Variants in CSMD2 observed in about 807,000 individuals in gnomAD.
CSMD2 encodes the protein CUB and sushi domain-containing protein 2.
A neutral mutation model predicts 398.5 loss-of-function variants in CSMD2; 130 were observed. The ratio of observed to expected loss-of-function variants is 0.33; its 90% CI spans 0.28 to 0.38. The LOEUF is 0.38. CSMD2 is among the 10% of genes least tolerant of loss of function. CSMD2 has a pLI of 1.00. For synonymous variants in CSMD2, 1,828 were observed against 1,908.5 expected (o/e 0.96, Z 1.10); for missense variants, 3,829 against 4,764.9 (o/e 0.80, Z 5.78).
At chr1:33,803,452 C>T (rs1655850585) in intron 10 of CSMD2, among the ~76,000 whole-genome samples, 1 of 152,178 alleles carries the variant, frequency 6.6e-6, no homozygotes, top group Non-Finnish European at 1.5e-5. Flanking sequence ...AAGCATGTTC[C>T]TCCATCTGTA....
chr1:33,538,344 G>T (rs571197882), intron 60 of CSMD2, among the ~76,000 whole-genome samples: 36 of 152,224 alleles, frequency 2.4e-4, no homozygotes, highest in African/African-American at 8.7e-4. Flanking sequence ...GTAGTGCATG[G>T]GTGTACCCAT....
chr1:33,849,241 G>T (rs564553036), intron 5 of CSMD2, among the ~76,000 whole-genome samples: 2 of 152,314 alleles, frequency 1.3e-5, no homozygotes, highest in South Asian at 2.1e-4. Context: ...ATCTATCAAA[G>T]AATTGGGGGC....
intron 1 of CSMD2, among the ~76,000 whole-genome samples, chr1:34,092,811 G>A (rs1658780784): frequency 6.6e-6 from 1 of 152,248 alleles, no homozygotes; most frequent in Non-Finnish European, 1.5e-5. Context: ...CAAACTGCAA[G>A]GCAGCAGCGA....
chr1:34,015,992 A>G (rs969747535), intron 3 of CSMD2, among the ~76,000 whole-genome samples: 7 of 150,058 alleles, frequency 4.7e-5, no homozygotes, highest in Admixed American at 4.7e-4. Context: ...AAAGATGCCC[A>G]TTTACACTGG....
rs766209512 is a variant in CSMD2 at position 33,583,699 on chromosome 1, G to A, written c.7183C>T (p.Leu2395Phe). The A allele has an allele frequency of 1.9e-6, 3 of 1,614,196 alleles. No homozygotes were observed. The highest frequency in any genetic ancestry group is 2.2e-5 in the East Asian group (1 of 44,886). The change falls in exon 47 of 71, where the codon CTC (leucine) becomes TTC (phenylalanine). Residue 2395 changes from leucine to phenylalanine, a missense_variant. Physicochemically the swap from Leu to Phe is conservative, Grantham distance 22. Transcript: ENST00000373381. ...TCGCTGAGGAAGTACTCCACTGTGA[G>A]GGAGATGTTATAGTCGGGCTCCACT... ...VRVEPDYNIS[L>F]TVEYFLSEKQ... is the part of the protein sequence containing the mutation.
intron 12 of CSMD2, among the ~76,000 whole-genome samples, chr1:33,774,829 C>T (rs1191101425): frequency 6.6e-6 from 1 of 152,166 alleles, no homozygotes; most frequent in Non-Finnish European, 1.5e-5. Flanking sequence ...CACATGCCCA[C>T]ATCCACCCAC....
At position 33,518,028 on chromosome 1, in the gene CSMD2, G is replaced by A. The variant is rs902840837; in HGVS notation, c.*53+1437C>T. Among the ~76,000 whole-genome samples the A allele has an allele frequency of 6.6e-6, 1 of 152,266 alleles. No homozygotes were observed. The highest frequency in any genetic ancestry group is 2.4e-5 in the African/African-American group (1 of 41,464). On this transcript the variant is annotated intron_variant, in intron 70 of 70. Transcript: ENST00000373381. The surrounding 1 kb of genome is among the most constrained non-coding windows in gnomAD (Gnocchi z 4.3). ...CACGTGAGCGGCCATGCACAGGAGC[G>A]TGGGGAGGGAGCGCAACACTAGCCC...
At chr1:33,980,789 G>A (rs1226787780) in intron 3 of CSMD2, among the ~76,000 whole-genome samples, 1 of 152,162 alleles carries the variant, frequency 6.6e-6, no homozygotes. Flanking sequence ...TGTTCTCACT[G>A]AAGATGATGA....
intron 1 of CSMD2, among the ~76,000 whole-genome samples, chr1:34,118,497 C>G (rs1008107784): frequency 4.6e-5 from 7 of 152,036 alleles, no homozygotes; most frequent in Non-Finnish European, 7.4e-5. Flanking sequence ...TGTGGAAAAC[C>G]CTAAGGATTC....
chr1:33,569,581 C>T, intron 51 of CSMD2, 34 bp from the exon 52 acceptor site: 1 of 1,601,364 alleles, frequency 6.2e-7, no homozygotes, highest in Non-Finnish European at 8.5e-7. Flanking sequence ...GTAAGCCAGC[C>T]CCAAGAGGAG....
rs12075879 is a variant in CSMD2, at chr1:34,124,647, A to G, written c.188-35454T>C. Among the ~76,000 whole-genome samples, 274 of 152,320 alleles carry G rather than the reference A, an allele frequency of 1.8e-3. 1 individual carries two copies. Among genetic ancestry groups the G allele is most frequent in the African/African-American group, 6.2e-3 (258 of 41,574 alleles). ...AACAAGAAGGGGTCTGTGCTCCCCC[A>G]GTGGATCAATGCGAGGTTGGCATCC... On this transcript the variant is annotated intron_variant, in intron 1 of 70. Coordinates refer to ENST00000373381, the MANE Select transcript of CSMD2 (RefSeq NM_001281956.2).
intron 3 of CSMD2, among the ~76,000 whole-genome samples, chr1:34,029,136 A>G (rs890912954): frequency 4.6e-5 from 7 of 152,082 alleles, no homozygotes; most frequent in Admixed American, 1.3e-4. Flanking sequence ...ATATAAGGAA[A>G]CCATCCTGAC....
chr1:34,021,108 G>GAAT, intron 3 of CSMD2, among the ~76,000 whole-genome samples: 1 of 152,204 alleles, frequency 6.6e-6, no homozygotes, highest in Non-Finnish European at 1.5e-5. Flanking sequence ...AAGGTAGAAA[G>GAAT]AATAATCCAA....
intron 13 of CSMD2, among the ~76,000 whole-genome samples, chr1:33,752,606 G>A (rs1314785400): frequency 6.6e-6 from 1 of 152,194 alleles, no homozygotes; most frequent in Non-Finnish European, 1.5e-5. Flanking sequence ...GGTACCAGGG[G>A]TGTGGGATGT....
chr1:33,857,171 T>A (rs1056598687), intron 5 of CSMD2, among the ~76,000 whole-genome samples: 4 of 151,958 alleles, frequency 2.6e-5, no homozygotes, highest in African/African-American at 9.7e-5. Flanking sequence ...ATCTATATAG[T>A]AAGGATAATA....
chr1:34,020,610 T>C lies in CSMD2; in HGVS notation c.517+11984A>G, dbSNP rs546967146. Among the ~76,000 whole-genome samples, 3 of 150,998 alleles carry C rather than the reference T, an allele frequency of 2.0e-5. No individual in the cohort carries two copies. The South Asian group carries it at 6.6e-4, about 33-fold the overall frequency. ...GCCTGGAGAACTGTGCAGGGCTTAT[T>C]TTCAGCAGGAACACGGTGGAGAGTG... On this transcript the variant is annotated intron_variant, in intron 3 of 70. Coordinates refer to ENST00000373381, the MANE Select transcript of CSMD2 (RefSeq NM_001281956.2).
At chr1:34,008,396 T>C (rs1014381594) in intron 3 of CSMD2, among the ~76,000 whole-genome samples, 1 of 152,216 alleles carries the variant, frequency 6.6e-6, no homozygotes, top group Admixed American at 6.5e-5. Context: ...CCAACTCTTT[T>C]AGTTGTACCA....
At chr1:33,576,160 A>G (rs1029906575) in intron 49 of CSMD2, among the ~76,000 whole-genome samples, 2 of 152,268 alleles carry the variant, frequency 1.3e-5, no homozygotes, top group African/African-American at 2.4e-5. Flanking sequence ...TGTAATATTC[A>G]TAAAGATGGA....
intron 6 of CSMD2, chr1:33,840,133 T>C (rs568971058): frequency 6.6e-6 from 1 of 152,194 alleles, no homozygotes; most frequent in African/African-American, 2.4e-5. Context: ...GGGAGTAGCA[T>C]GTTCTAGTTC....
Sources: gnomAD v4.1 joint callset for allele counts (sites outside exome capture counted in the v4.1 genomes callset) on GRCh38, gnomAD v4.1.1 for gene constraint, Gnocchi (gnomAD v3.1) non-coding constraint, MANE v1.5 for transcripts, NCBI Gene and HGNC (gene_info 2026-07-23, HGNC 2026-07-21) for gene names.